The following COQ8A variants were observed in gnomAD, a reference collection of about 807,000 sequenced individuals.
COQ8A encodes the protein atypical kinase COQ8A, mitochondrial.
COQ8A carries 51 observed loss-of-function variants against 65.0 expected under a neutral mutation model. The ratio of observed to expected loss-of-function variants is 0.78; its 90% CI spans 0.63 to 0.99. The LOEUF (loss-of-function observed/expected upper bound fraction) is 0.99. COQ8A is among the 50% of genes least tolerant of loss of function. COQ8A has a pLI of 0.00. For synonymous variants in COQ8A, 371 were observed against 353.2 expected (o/e 1.05, Z -0.57); for missense variants, 940 against 875.0 (o/e 1.07, Z -0.94).
At chr1:226,971,426 C>G (rs1658905437) in intron 4 of COQ8A, among the ~76,000 whole-genome samples, 1 of 151,956 alleles carries the variant, frequency 6.6e-6, no homozygotes, top group African/African-American at 2.4e-5. Context: ...GTGGTGGGTA[C>G]CTGTAATCCC....
At chr1:226,971,269 A>G (rs1014326456) in intron 4 of COQ8A, among the ~76,000 whole-genome samples, 1 of 150,890 alleles carries the variant, frequency 6.6e-6, no homozygotes, top group African/African-American at 2.4e-5. Flanking sequence ...AAATGTCATT[A>G]TAGCTGGGCA....
At chr1:226,967,648 G>C (rs1658646165) in intron 4 of COQ8A, among the ~76,000 whole-genome samples, 1 of 152,230 alleles carries the variant, frequency 6.6e-6, no homozygotes. Flanking sequence ...GGAAGAAAAA[G>C]GTAGAGAGCT....
chr1:226,985,376 G>A, intron 14 of COQ8A, 36 bp downstream of exon 14: 1 of 1,606,258 alleles, frequency 6.2e-7, no homozygotes, highest in Non-Finnish European at 8.5e-7. Flanking sequence ...TGGGCCTGCT[G>A]ACCCAGGGCC....
intron 1 of COQ8A, 110 bp downstream of exon 1, chr1:226,940,509 C>A (rs2147987464): frequency 6.6e-6 from 1 of 152,480 alleles, no homozygotes. Flanking sequence ...CATGTGACAG[C>A]GCAGCTTCCC....
At chr1:226,984,445 G>T (rs1392733092) in intron 11 of COQ8A, 103 bp from the exon 12 acceptor site, 7 of 1,298,626 alleles carry the variant, frequency 5.4e-6, no homozygotes, top group Non-Finnish European at 6.7e-6. Context: ...AGTCCCTAGG[G>T]TAGGGTGGGT....
chr1:226,943,876 T>TGCG (rs1354150089), intron 1 of COQ8A, among the ~76,000 whole-genome samples: 1 of 152,086 alleles, frequency 6.6e-6, no homozygotes, highest in African/African-American at 2.4e-5. Context: ...GAAGTGGTGA[T>TGCG]GCGGTATGTG....
At chr1:226,954,203 C>T (rs1657552701) in intron 1 of COQ8A, among the ~76,000 whole-genome samples, 1 of 152,248 alleles carries the variant, frequency 6.6e-6, no homozygotes, top group Admixed American at 6.5e-5. Context: ...TAAGCTCATT[C>T]ACTTTTGATT....
chr1:226,973,163 C>T (rs955679027), intron 4 of COQ8A, among the ~76,000 whole-genome samples: 3 of 152,264 alleles, frequency 2.0e-5, no homozygotes, highest in Non-Finnish European at 2.9e-5. Flanking sequence ...GCTGAGGGCA[C>T]ACGCCATGCT....
intron 5 of COQ8A, among the ~76,000 whole-genome samples, chr1:226,978,284 C>T (rs1447073877): frequency 7.2e-6 from 1 of 139,104 alleles, no homozygotes; most frequent in East Asian, 2.3e-4. Flanking sequence ...CACCCGCACA[C>T]CTCCTTACAC....
At position 226,969,442 on chromosome 1, in the gene COQ8A, G is replaced by A. The variant is rs560555168; in HGVS notation, c.655+3705G>A. Reference sequence around the variant, plus strand: ...GCCTCCCGAGTAGCTGAGACTACACGTGCGTGATAAGTCTCGATCTCCTGA... The same window carrying A: ...GCCTCCCGAGTAGCTGAGACTACACATGCGTGATAAGTCTCGATCTCCTGA... On this transcript the variant is annotated intron_variant, in intron 4 of 14. Transcript: ENST00000366777. Among the ~76,000 whole-genome samples the A allele has an allele frequency of 1.3e-4, 20 of 152,186 alleles. No individual in the cohort carries two copies. In the East Asian group the frequency reaches 3.5e-3, roughly 26 times the overall value.
intron 4 of COQ8A, among the ~76,000 whole-genome samples, chr1:226,966,001 G>C (rs1033076858): frequency 1.3e-5 from 2 of 152,238 alleles, no homozygotes; most frequent in Non-Finnish European, 2.9e-5. Context: ...TGGATTGCCC[G>C]GCAGGCCTCG....
chr1:226,981,829 C>T (rs554486729), intron 5 of COQ8A, among the ~76,000 whole-genome samples, 198 bp from the exon 6 acceptor site: 17 of 152,280 alleles, frequency 1.1e-4, no homozygotes, highest in East Asian at 1.9e-4. Context: ...TATTGGGAGG[C>T]GCTGGCGTAG....
chr1:226,979,279 G>A (rs1254525413), intron 5 of COQ8A, among the ~76,000 whole-genome samples: 3 of 152,192 alleles, frequency 2.0e-5, no homozygotes, highest in African/African-American at 4.8e-5. Context: ...TTGGGCATTC[G>A]TGCTGCTGTG....
intron 5 of COQ8A, among the ~76,000 whole-genome samples, chr1:226,979,754 C>T (rs1199727741): frequency 1.3e-5 from 2 of 152,242 alleles, no homozygotes; most frequent in East Asian, 3.9e-4. Context: ...GGACTGAGTC[C>T]TGGGGACACG....
At chr1:226,970,112 C>T (rs1658804675) in intron 4 of COQ8A, among the ~76,000 whole-genome samples, 1 of 152,134 alleles carries the variant, frequency 6.6e-6, no homozygotes, top group African/African-American at 2.4e-5. Flanking sequence ...GCTGCCATGC[C>T]CGGCTAATTT....
At chr1:226,970,144 G>A (rs1658807256) in intron 4 of COQ8A, among the ~76,000 whole-genome samples, 1 of 152,170 alleles carries the variant, frequency 6.6e-6, no homozygotes, top group African/African-American at 2.4e-5. Context: ...GCGGAGACAG[G>A]GTTTTGCCAT....
At chr1:226,958,066 G>A (rs953739019) in intron 1 of COQ8A, 6 of 151,976 alleles carry the variant, frequency 3.9e-5, no homozygotes, top group Non-Finnish European at 8.8e-5. Context: ...TACTTTAATC[G>A]TGATCCCAAC....
At position 226,986,579 on chromosome 1, in the gene COQ8A, A is replaced by G. The variant is rs761763037; in HGVS notation, c.1786A>G (p.Arg596Gly). Residue 596 changes from arginine (R) to glycine (G), a missense_variant, in exon 15 of 15, where the codon AGG (arginine) becomes GGG (glycine). Transcript: ENST00000366777. ...CCACAACCTGATTCCCGTCATGCTG[A>G]GGCACCGTCTCGTCCCCCCACCCGA... is the stretch of plus-strand genomic sequence containing the variant. ...KIHNLIPVML[R>G]HRLVPPPEET... The G allele has an allele frequency of 5.0e-6, 8 of 1,612,936 alleles. No individual in the cohort carries two copies. The highest frequency in any genetic ancestry group is 6.8e-6 in the Non-Finnish European group (8 of 1,179,844).
chr1:226,983,314 G>C (rs901030395), intron 8 of COQ8A: 3 of 658,008 alleles, frequency 4.6e-6, no homozygotes, highest in African/African-American at 3.6e-5. Context: ...GGCCAGAGCT[G>C]GTGGGAGGGT....
Sources: gnomAD v4.1 joint callset for allele counts (sites outside exome capture counted in the v4.1 genomes callset) on GRCh38, gnomAD v4.1.1 for gene constraint, MANE v1.5 for transcripts, NCBI Gene and HGNC (gene_info 2026-07-23, HGNC 2026-07-21) for gene names.